MLLT10: variants seen among roughly 807,000 people sequenced by gnomAD.
MLLT10 encodes the protein MLLT10 histone lysine methyltransferase DOT1L cofactor.
In MLLT10, 30 loss-of-function variants were observed where a neutral mutation model predicts 129.1. The observed-to-expected ratio is 0.23, with a 90% confidence interval of 0.17 to 0.32. The LOEUF is 0.32. MLLT10 is among the 10% of genes least tolerant of loss of function. The pLI is 1.00. For missense variants in MLLT10, 1,119 were observed against 1,268.3 expected (o/e 0.88, Z 1.79); for synonymous variants, 490 against 446.4 (o/e 1.10, Z -1.23).
chr10:21,546,372 T>C (rs1305585507), intron 3 of MLLT10, among the ~76,000 whole-genome samples: 1 of 151,408 alleles, frequency 6.6e-6, no homozygotes, highest in Non-Finnish European at 1.5e-5. Flanking sequence ...AGTGACCGTA[T>C]CTGGCCAGAG....
intron 13 of MLLT10, among the ~76,000 whole-genome samples, chr10:21,689,433 T>C (rs1466323872): frequency 6.6e-6 from 1 of 151,098 alleles, no homozygotes; most frequent in African/African-American, 2.4e-5. Context: ...TTAAAGAATA[T>C]GTAAAATTTT....
chr10:21,717,675 T>TC, intron 14 of MLLT10, among the ~76,000 whole-genome samples: 9 of 117,184 alleles, frequency 7.7e-5, no homozygotes, highest in African/African-American at 2.1e-4. Flanking sequence ...TTCCTCCTCC[T>TC]CTTCCTCCTC....
intron 14 of MLLT10, among the ~76,000 whole-genome samples, chr10:21,723,276 A>T (rs1473518206): frequency 6.6e-6 from 1 of 152,192 alleles, no homozygotes; most frequent in Non-Finnish European, 1.5e-5. Flanking sequence ...TAATTCAGAG[A>T]CTAGATCAAG....
In MLLT10 at chr10:21,670,693, CT is replaced by C; in HGVS notation, c.1044del (p.Pro349LeufsTer12). ...GGAACAACTGTGTCAGCAGCTAGCC[CT>C]TTTCCTCAAGGTATTAGTGATGTTT... is the stretch of plus-strand genomic sequence containing the variant. ...NPGTTVSAASPFPQGSFSGTP... is the reference protein window; with the variant it reads ...NPGTTVSAASXFPQGSFSGTP... On this transcript the variant is annotated frameshift_variant, in exon 10 of 23. Transcript: ENST00000307729. LOFTEE classifies it high-confidence loss of function. The C allele has an allele frequency of 6.2e-7, 1 of 1,613,708 alleles. No individual in the cohort carries two copies. The highest frequency in any genetic ancestry group is 8.5e-7 in the Non-Finnish European group (1 of 1,179,858).
intron 3 of MLLT10, among the ~76,000 whole-genome samples, chr10:21,576,859 G>A (rs1466041371): frequency 2.0e-5 from 3 of 151,160 alleles, no homozygotes; most frequent in Non-Finnish European, 4.4e-5. Context: ...TTGAACTCGC[G>A]ACCTCAGGTG....
Position 21,658,704 on chromosome 10 carries a change from G to A in MLLT10, c.795+6936G>A, listed in dbSNP as rs898919041. On this transcript the variant is annotated intron_variant, in intron 9 of 22. Coordinates refer to ENST00000307729, the MANE Select transcript of MLLT10 (RefSeq NM_001195626.3). ...ATGTGTGACGGAGTCTCGCTCTGTC[G>A]CCCAGGCTGGAGTGCAGTGGTGCAA... is the stretch of plus-strand genomic sequence containing the variant. Among the ~76,000 whole-genome samples the A allele has an allele frequency of 4.6e-5, 7 of 152,172 alleles. No individual in the cohort carries two copies. The South Asian group carries it at 8.3e-4, about 18-fold the overall frequency.
Position 21,612,471 on chromosome 10 carries a change from T to C in MLLT10, c.509+20T>C. ...AACATGGTAAGGATGTTTCCATTGT[T>C]GCACAGAACTGAACTTGGTAAATAC... On this transcript the variant is annotated intron_variant, in intron 6 of 22. Coordinates refer to ENST00000307729, the MANE Select transcript of MLLT10 (RefSeq NM_001195626.3). The C allele has an allele frequency of 6.7e-7, 1 of 1,501,228 alleles. No homozygotes were observed. The highest frequency in any genetic ancestry group is 9.2e-7 in the Non-Finnish European group (1 of 1,082,910). 93.0% of individuals were successfully genotyped at this position (1,501,228 alleles called of 1,614,324 possible).
intron 13 of MLLT10, among the ~76,000 whole-genome samples, chr10:21,705,463 G>A (rs115452299): frequency 2.0e-4 from 31 of 152,306 alleles, no homozygotes; most frequent in African/African-American, 6.5e-4. Context: ...GTCATGGTAG[G>A]CAGGGGCAGG....
At chr10:21,632,337 A>T (rs917305120) in intron 8 of MLLT10, among the ~76,000 whole-genome samples, 1 of 152,194 alleles carries the variant, frequency 6.6e-6, no homozygotes, top group Non-Finnish European at 1.5e-5. Context: ...CTCATGTTTA[A>T]TTCATGTAGG....
At position 21,588,826 on chromosome 10, in the gene MLLT10, C is replaced by CT. The variant is rs1187261721; in HGVS notation, c.295+2493dup. Among the ~76,000 whole-genome samples, 462 of 136,996 alleles carry CT rather than the reference C, an allele frequency of 3.4e-3. 3 individuals are homozygous for CT. Among genetic ancestry groups the CT allele is most frequent in the East Asian group, 0.015 (73 of 4,798 alleles). The allele number at this position is 136,996 out of a possible 152,430, so 89.9% of individuals were successfully genotyped here. Reference sequence around the variant, plus strand: ...TTTTGACTTGGTTGTTGATCTTTTTCTTTTTTTTTTTTTTTGAGACAGGGT... The same window carrying CT: ...TTTTGACTTGGTTGTTGATCTTTTTCTTTTTTTTTTTTTTTTGAGACAGGGT... On this transcript the variant is annotated intron_variant, in intron 4 of 22. Transcript: ENST00000307729.
intron 4 of MLLT10, among the ~76,000 whole-genome samples, chr10:21,590,107 T>C (rs2042357910): frequency 6.6e-6 from 1 of 152,004 alleles, no homozygotes; most frequent in Non-Finnish European, 1.5e-5. Flanking sequence ...ATTTTTTTCT[T>C]TTTGTATTTT....
chr10:21,717,519 A>ACCTCCTCCTCCTCCACCACCT (rs2056695672), intron 14 of MLLT10, among the ~76,000 whole-genome samples: 1 of 75,274 alleles, frequency 1.3e-5, no homozygotes, highest in Admixed American at 1.6e-4. Context: ...CTCCTCCACC[A>ACCTCCTCCTCCTCCACCACCT]CCTCCTCCTC....
At chr10:21,739,916 T>G (rs2058692566) in intron 21 of MLLT10, 114 bp from the exon 22 acceptor site, 2 of 820,414 alleles carry the variant, frequency 2.4e-6, no homozygotes, top group Admixed American at 5.7e-5. Flanking sequence ...GAGATACTTG[T>G]TTTCTTTCTT....
chr10:21,554,717 C>G (rs2037637665), intron 3 of MLLT10, among the ~76,000 whole-genome samples: 1 of 151,890 alleles, frequency 6.6e-6, no homozygotes, highest in African/African-American at 2.4e-5. Context: ...GCCTCGGCCT[C>G]CCAAAGTGCT....
chr10:21,643,456 A>G (rs1390274364), intron 8 of MLLT10, among the ~76,000 whole-genome samples: 1 of 152,144 alleles, frequency 6.6e-6, no homozygotes, highest in African/African-American at 2.4e-5. Context: ...GCTCACTATT[A>G]GTCTTTTTAC....
chr10:21,684,047 C>T (rs2053027149), intron 13 of MLLT10, among the ~76,000 whole-genome samples: 1 of 150,096 alleles, frequency 6.7e-6, no homozygotes, highest in Non-Finnish European at 1.5e-5. Flanking sequence ...TGCTTTCTTA[C>T]CCAGGCTGGT....
Position 21,742,926 on chromosome 10 carries a change from A to C in MLLT10, c.*943A>C. ...TGTGCCACTGTAGATAGCTCAGGCAAAACTATTACCTGGGTATTTATCCAC... is the reference window on the plus strand; with the variant it reads ...TGTGCCACTGTAGATAGCTCAGGCACAACTATTACCTGGGTATTTATCCAC... On this transcript the variant is annotated 3_prime_UTR_variant, in exon 23 of 23. Transcript: ENST00000307729. The C allele has an allele frequency of 1.3e-5, 3 of 228,456 alleles. No individual in the cohort carries two copies. The highest frequency in any genetic ancestry group is 1.7e-5 in the Non-Finnish European group (2 of 115,078). 14.2% of individuals were successfully genotyped at this position (228,456 alleles called of 1,614,324 possible). A position where few individuals can be genotyped will look rare whatever the true frequency, so the allele number is the denominator to read the frequency against.
In MLLT10 at chr10:21,664,653, A is replaced by C. The variant is rs142017963; in HGVS notation, c.796-5796A>C. On this transcript the variant is annotated intron_variant, in intron 9 of 22. Transcript: ENST00000307729. Reference sequence around the variant, plus strand: ...GTGTGGAGTTTTTCTGTAAATGTCCATTAGGTCAAGTTGATTTATATTAAG... The same window carrying C: ...GTGTGGAGTTTTTCTGTAAATGTCCCTTAGGTCAAGTTGATTTATATTAAG... Among the ~76,000 whole-genome samples the C allele has an allele frequency of 3.9e-5, 6 of 152,186 alleles. No homozygotes were observed. In the East Asian group the frequency reaches 1.2e-3, roughly 29 times the overall value.
intron 9 of MLLT10, among the ~76,000 whole-genome samples, chr10:21,660,694 C>G (rs2131346753): frequency 6.7e-6 from 1 of 149,150 alleles, no homozygotes; most frequent in South Asian, 2.1e-4. Context: ...GCCAACATGG[C>G]GAAGCCCCGT....
Sources: gnomAD v4.1 joint callset for allele counts (sites outside exome capture counted in the v4.1 genomes callset) on GRCh38, gnomAD v4.1.1 for gene constraint, MANE v1.5 for transcripts, NCBI Gene and HGNC (gene_info 2026-07-23, HGNC 2026-07-21) for gene names.